Variants in SOX6 observed in about 807,000 individuals in gnomAD.
The protein encoded by SOX6 is transcription factor SOX-6.
SOX6 carries 11 observed loss-of-function variants against 97.8 expected under a neutral mutation model. The observed-to-expected ratio is 0.11, with a 90% confidence interval of 0.07 to 0.19. SOX6 has a LOEUF of 0.19. Among genes scored for constraint, SOX6 ranks in the 10% least tolerant of loss-of-function variants. The pLI, the probability that SOX6 is intolerant of heterozygous loss-of-function variation, is 1.00. For missense variants in SOX6, 810 were observed against 1,039.5 expected, an observed-to-expected ratio of 0.78 and a Z score of 3.04; for synonymous variants, 360 against 371.4, an observed-to-expected ratio of 0.97 and a Z score of 0.35.
chr11:16,252,065 A>G (rs542125229), intron 3 of SOX6, among the ~76,000 whole-genome samples: 1 of 152,308 alleles, frequency 6.6e-6, no homozygotes, highest in East Asian at 1.9e-4. Context: ...TGGTAAAACA[A>G]TGAATGCTTT....
At chr11:16,594,480 C>A (rs1848187996) in intron 4 of SOX6, among the ~76,000 whole-genome samples, 4 of 151,992 alleles carry the variant, frequency 2.6e-5, no homozygotes, top group Admixed American at 1.3e-4. Context: ...TATCTACTTT[C>A]ATTGTGCATT....
intron 4 of SOX6, among the ~76,000 whole-genome samples, chr11:16,500,406 AG>A (rs2133142274): frequency 6.6e-6 from 1 of 152,330 alleles, no homozygotes; most frequent in African/African-American, 2.4e-5. Context: ...GGCACAAGAC[AG>A]GGATGCCCTC....
chr11:16,158,674 G>T (rs1850664885), intron 6 of SOX6, among the ~76,000 whole-genome samples: 1 of 151,864 alleles, frequency 6.6e-6, no homozygotes, highest in Non-Finnish European at 1.5e-5. Flanking sequence ...TTTCCTGGGT[G>T]TTCTTTTAGG....
At chr11:16,664,510 C>T (rs1340877936) in intron 3 of SOX6, among the ~76,000 whole-genome samples, 1 of 152,142 alleles carries the variant, frequency 6.6e-6, no homozygotes, top group Non-Finnish European at 1.5e-5. Flanking sequence ...CAGAACTAGC[C>T]AGAAGAGAAT....
chr11:16,565,839 G>A (rs1274438545), intron 4 of SOX6, among the ~76,000 whole-genome samples: 1 of 151,876 alleles, frequency 6.6e-6, no homozygotes, highest in African/African-American at 2.4e-5. Context: ...GCTCACACCT[G>A]TAATCCCAGC....
chr11:16,215,729 G>A (rs540359333), intron 4 of SOX6, among the ~76,000 whole-genome samples: 1 of 152,192 alleles, frequency 6.6e-6, no homozygotes, highest in Admixed American at 6.5e-5. Context: ...ATTTACAGGG[G>A]AAATTTGAAA....
intron 4 of SOX6, among the ~76,000 whole-genome samples, chr11:16,495,659 C>T (rs1312484615): frequency 1.3e-5 from 2 of 152,338 alleles, no homozygotes; most frequent in African/African-American, 4.8e-5. Context: ...TGTTCCCCCA[C>T]TGCTACTGCC....
chr11:16,186,664 CTTATTT>C, intron 5 of SOX6, 113 bp downstream of exon 5: 8 of 1,196,128 alleles, frequency 6.7e-6, no homozygotes, highest in South Asian at 1.4e-5. Context: ...TCCATCTTTT[CTTATTT>C]TTATTTTTAT....
At chr11:16,009,833 A>T (rs1854657327) in intron 13 of SOX6, among the ~76,000 whole-genome samples, 1 of 151,996 alleles carries the variant, frequency 6.6e-6, no homozygotes, top group Admixed American at 6.6e-5. Context: ...CCCACCCCAG[A>T]TTAGGCTACA....
chr11:16,490,269 C>G (rs543095197), intron 4 of SOX6, among the ~76,000 whole-genome samples: 2 of 152,124 alleles, frequency 1.3e-5, no homozygotes, highest in African/African-American at 4.8e-5. Context: ...AGGTAGTGTG[C>G]CAGATTGGGC....
At chr11:16,132,302 G>A (rs1238728873) in intron 6 of SOX6, among the ~76,000 whole-genome samples, 43 of 106,774 alleles carry the variant, frequency 4.0e-4, no homozygotes, top group East Asian at 2.0e-3. Flanking sequence ...AAGGAAGGAA[G>A]GAAGGAAGGA....
At chr11:16,155,405 TC>T (rs1284189287) in intron 6 of SOX6, among the ~76,000 whole-genome samples, 1 of 152,174 alleles carries the variant, frequency 6.6e-6, no homozygotes, top group Non-Finnish European at 1.5e-5. Context: ...TTGTAAGAAT[TC>T]AATGGATTGA....
chr11:16,553,409 T>C (rs1028524873), intron 4 of SOX6, among the ~76,000 whole-genome samples: 2 of 152,162 alleles, frequency 1.3e-5, no homozygotes, highest in Non-Finnish European at 2.9e-5. Flanking sequence ...ATTAGAACTT[T>C]CTAGAAAAGG....
intron 9 of SOX6, among the ~76,000 whole-genome samples, chr11:16,064,983 T>C (rs1437495403): frequency 6.6e-6 from 1 of 152,008 alleles, no homozygotes; most frequent in Non-Finnish European, 1.5e-5. Flanking sequence ...CTTTCAACAC[T>C]GTTATTCAAC....
intron 1 of SOX6, among the ~76,000 whole-genome samples, chr11:16,397,864 C>T (rs1858404416): frequency 6.6e-6 from 1 of 151,548 alleles, no homozygotes; most frequent in African/African-American, 2.4e-5. Flanking sequence ...CAGTCCAGTG[C>T]ATACCAGCCC....
At position 16,015,345 on chromosome 11, in the gene SOX6, C is replaced by T. The variant is rs545390205; in HGVS notation, c.1624-295G>A. The T allele has an allele frequency of 2.1e-5, 9 of 427,708 alleles. No homozygotes were observed. The East Asian group carries it at 3.0e-4, about 14-fold the overall frequency. 26.5% of individuals were successfully genotyped at this position (427,708 alleles called of 1,614,324 possible). A position where few individuals can be genotyped will look rare whatever the true frequency, so the allele number is the denominator to read the frequency against. On this transcript the variant is annotated intron_variant, in intron 12 of 15. Transcript: ENST00000683767. The stretch of plus-strand genomic sequence containing the variant: ...ATTTGCTCCAGTAATCTAAAAACAA[C>T]GCAATAGAGAGGGTTGAGCCAACAA...
intron 7 of SOX6, among the ~76,000 whole-genome samples, chr11:16,110,151 T>C (rs1388148818): frequency 6.6e-6 from 1 of 152,142 alleles, no homozygotes; most frequent in Non-Finnish European, 1.5e-5. Context: ...GATGTCTACG[T>C]CTAACAGAAA....
At chr11:16,481,269 G>A (rs919076160), upstream of SOX6, among the ~76,000 whole-genome samples, 1 of 152,048 alleles carries the variant, frequency 6.6e-6, no homozygotes, top group Non-Finnish European at 1.5e-5. Flanking sequence ...ATAATAAAAT[G>A]TGAAATTTGA....
chr11:16,359,706 C>T (rs1031895591), upstream of SOX6, among the ~76,000 whole-genome samples: 4 of 151,864 alleles, frequency 2.6e-5, no homozygotes, highest in South Asian at 2.1e-4. Flanking sequence ...GTAGATGAAG[C>T]GAGTAGGGAA....
Sources: gnomAD v4.1 joint callset for allele counts (sites outside exome capture counted in the v4.1 genomes callset) on GRCh38, gnomAD v4.1.1 for gene constraint, MANE v1.5 for transcripts, NCBI Gene and HGNC (gene_info 2026-07-23, HGNC 2026-07-21) for gene names.